Variants in ABR observed in about 807,000 individuals in gnomAD.
ABR encodes active breakpoint cluster region-related protein.
ABR carries 35 observed loss-of-function variants against 107.2 expected under a neutral mutation model. That is an observed-to-expected ratio of 0.33 (90% confidence interval 0.25 to 0.43). The LOEUF is 0.43. Ranked by LOEUF, ABR falls within the 20% of genes least tolerant of loss-of-function variation. The pLI is 1.00. For synonymous variants in ABR, 498 were observed against 462.0 expected (o/e 1.08, Z -1.00); for missense variants, 815 against 1,115.2 (o/e 0.73, Z 3.83).
At chr17:1,196,412 A>C (rs1160537674) in intron 1 of ABR, among the ~76,000 whole-genome samples, 4 of 152,146 alleles carry the variant, frequency 2.6e-5, no homozygotes, top group African/African-American at 9.7e-5. Flanking sequence ...CCTGGGTGAC[A>C]AGAGTGAAAA....
intron 10 of ABR, among the ~76,000 whole-genome samples, chr17:1,061,014 C>T (rs888341635): frequency 2.0e-5 from 3 of 152,000 alleles, no homozygotes; most frequent in Non-Finnish European, 4.4e-5. Context: ...AAACAAAAAA[C>T]AAAAAACAAA....
chr17:1,205,112 G>C (rs376339794), intron 1 of ABR, among the ~76,000 whole-genome samples: 1 of 152,058 alleles, frequency 6.6e-6, no homozygotes, highest in African/African-American at 2.4e-5. Context: ...ATGTAAGCCA[G>C]GCAGCTCTCA....
At position 1,031,900 on chromosome 17, in the gene ABR, G is replaced by A. The variant is rs1304955635; in HGVS notation, c.1791+18150C>T. On this transcript the variant is annotated intron_variant, in intron 16 of 22. Transcript: ENST00000302538. ...CTCCCCTCCCTCCCTCCCTCCGTCC[G>A]CGTCCCTCCTCCCTCCTCCCTCCTC... 8 of 547,316 alleles carry A rather than the reference G, an allele frequency of 1.5e-5. No individual in the cohort carries two copies. The African/African-American group carries it at 1.7e-4, about 11-fold the overall frequency. The allele number at this position is 547,316 out of a possible 1,614,324, so 33.9% of individuals were successfully genotyped here. A position where few individuals can be genotyped will look rare whatever the true frequency, so the allele number is the denominator to read the frequency against.
Position 1,050,711 on chromosome 17 carries a change from G to T in ABR, c.1562-77C>A. 8.7e-7 allele frequency: 1 copy of T among 1,151,530 alleles called. No homozygotes were observed. Among genetic ancestry groups the T allele is most frequent in the Non-Finnish European group, 1.3e-6 (1 of 763,948 alleles). 71.3% of individuals were successfully genotyped at this position (1,151,530 alleles called of 1,614,324 possible). On this transcript the variant is annotated intron_variant, in intron 14 of 22. Coordinates refer to ENST00000302538, the MANE Select transcript of ABR (RefSeq NM_021962.5). This position sits in a 1 kb window ranked among gnomAD's most constrained non-coding sequence, Gnocchi z 4.6. ...CAGCTGGGGCGGCACTCAGGATGGA[G>T]GGGGACATCGCATCTGTCCTTTCCA...
chr17:1,027,683 G>A lies in ABR; in HGVS notation c.1792-14519C>T, dbSNP rs1045342429. Among the ~76,000 whole-genome samples, 1 of 151,942 alleles carries A rather than the reference G, an allele frequency of 6.6e-6. No homozygotes were observed. The highest frequency in any genetic ancestry group is 1.5e-5 in the Non-Finnish European group (1 of 67,970). On this transcript the variant is annotated intron_variant, in intron 16 of 22. Transcript: ENST00000302538. This position sits in a 1 kb window ranked among gnomAD's most constrained non-coding sequence, Gnocchi z 4.7. Reference sequence around the variant, plus strand: ...CCCAGGAAGAGGTGGGCTGGTGTAGGGGCCTCCAGCTCTCGGGGGAGGCAG... The same window carrying A: ...CCCAGGAAGAGGTGGGCTGGTGTAGAGGCCTCCAGCTCTCGGGGGAGGCAG...
intron 16 of ABR, among the ~76,000 whole-genome samples, chr17:1,013,976 CT>C (rs2070895652): frequency 6.6e-6 from 1 of 152,244 alleles, no homozygotes; most frequent in African/African-American, 2.4e-5. Context: ...CTCCCTGGCA[CT>C]TTCTGAAGTC....
At chr17:1,067,306 G>C (rs1213224922) in intron 9 of ABR, 64 bp from the exon 10 acceptor site, 1 of 1,463,816 alleles carries the variant, frequency 6.8e-7, no homozygotes, top group African/African-American at 1.5e-5. Context: ...CTCAACTCTT[G>C]GGTCCAGAAC....
At position 1,150,034 on chromosome 17, in the gene ABR, G is replaced by A. The variant is rs1310092941; in HGVS notation, c.62-24667C>T. Among the ~76,000 whole-genome samples the A allele has an allele frequency of 6.6e-6, 1 of 152,014 alleles. No individual in the cohort carries two copies. Among genetic ancestry groups the A allele is most frequent in the Non-Finnish European group, 1.5e-5 (1 of 68,012 alleles). On this transcript the variant is annotated intron_variant, in intron 1 of 22. Transcript: ENST00000302538. This position sits in a 1 kb window ranked among gnomAD's most constrained non-coding sequence, Gnocchi z 4.8. ...TATAACGTTAGTGGCTGTTATTGTC[G>A]TCACTGACGTTGTCACTGCTGTTGT...
intron 16 of ABR, among the ~76,000 whole-genome samples, chr17:1,028,238 C>T (rs4968076): frequency 1.1e-4 from 16 of 151,684 alleles, no homozygotes; most frequent in East Asian, 3.9e-4. Flanking sequence ...TTACAGGTGC[C>T]CGCCACCATG....
intron 1 of ABR, among the ~76,000 whole-genome samples, chr17:1,132,607 G>C (rs565998316): frequency 6.6e-6 from 1 of 151,978 alleles, no homozygotes; most frequent in African/African-American, 2.4e-5. Flanking sequence ...TCCAACTCCT[G>C]ACCTTGTGAT....
chr17:1,075,454 G>A (rs1027360689), intron 6 of ABR, among the ~76,000 whole-genome samples: 6 of 152,364 alleles, frequency 3.9e-5, no homozygotes, highest in East Asian at 3.9e-4. Context: ...CCCCGTGCGC[G>A]GCTAAGCAGA....
intron 12 of ABR, 113 bp from the exon 13 acceptor site, chr17:1,057,215 C>T: frequency 1.5e-6 from 1 of 682,030 alleles, no homozygotes; most frequent in South Asian, 1.7e-5. Context: ...CAGACTTGGT[C>T]CTTGCGAGGG....
chr17:1,202,556 G>C (rs1295211000), intron 1 of ABR, among the ~76,000 whole-genome samples: 1 of 152,142 alleles, frequency 6.6e-6, no homozygotes, highest in Non-Finnish European at 1.5e-5. Context: ...GGACAAAGAG[G>C]CTCAGATTCC....
chr17:1,091,332 AGGGAGAAGGAGCACCCTCCG>A (rs2037013879), intron 4 of ABR, among the ~76,000 whole-genome samples: 1 of 114,666 alleles, frequency 8.7e-6, no homozygotes, highest in Non-Finnish European at 1.9e-5. Flanking sequence ...ACCCTCCGGG[AGGGAGAAGGAGCACCCTCCG>A]GGAGAGAGAT....
At chr17:1,134,973 G>A (rs9916862) in intron 1 of ABR, among the ~76,000 whole-genome samples, 56,045 of 152,172 alleles carry the variant, frequency 0.37, 10,484 homozygotes, top group South Asian at 0.41. Flanking sequence ...ACACGCATAC[G>A]GCACTTAGCA....
intron 1 of ABR, among the ~76,000 whole-genome samples, chr17:1,126,961 C>G (rs776917438): frequency 6.6e-6 from 1 of 152,232 alleles, no homozygotes; most frequent in Non-Finnish European, 1.5e-5. Context: ...CACGGGGGCC[C>G]CAGCTCTTCC....
At chr17:1,069,724 G>A (rs1000667458) in intron 9 of ABR, among the ~76,000 whole-genome samples, 37 of 151,806 alleles carry the variant, frequency 2.4e-4, no homozygotes, top group African/African-American at 8.0e-4. Flanking sequence ...GGCAGGGTCC[G>A]GCCTCCCTCC....
chr17:1,162,177 TATC>T (rs2151571795), intron 1 of ABR, among the ~76,000 whole-genome samples: 1 of 152,312 alleles, frequency 6.6e-6, no homozygotes, highest in South Asian at 2.1e-4. Context: ...AGTGAGTGTT[TATC>T]AACAGCAACA....
chr17:1,175,016 G>C (rs1431359832), intron 1 of ABR, among the ~76,000 whole-genome samples: 6 of 151,734 alleles, frequency 4.0e-5, no homozygotes, highest in Admixed American at 3.9e-4. Context: ...TAATCCCATG[G>C]GATTGGGAAA....
Sources: allele counts gnomAD v4.1 joint callset (sites outside exome capture counted in the v4.1 genomes callset), GRCh38; gene constraint gnomAD v4.1.1; non-coding constraint Gnocchi (gnomAD v3.1); transcripts MANE v1.5; gene names NCBI Gene and HGNC (gene_info 2026-07-23, HGNC 2026-07-21).